Variants in IGSF11 observed in about 807,000 individuals in gnomAD.
The protein encoded by IGSF11 is CXADR like 1.
Under a neutral mutation model 41.0 loss-of-function variants are expected in IGSF11, and 22 were observed. That is an observed-to-expected ratio of 0.54 (90% CI 0.38 to 0.77). IGSF11 has a LOEUF of 0.77. IGSF11 is among the 30% of genes least tolerant of loss of function. The pLI, the probability that IGSF11 is intolerant of heterozygous loss-of-function variation, is 0.00. For missense variants in IGSF11, 444 were observed against 530.8 expected, an observed-to-expected ratio of 0.84 and a Z score of 1.61; for synonymous variants, 219 against 201.3, an observed-to-expected ratio of 1.09 and a Z score of -0.74.
At chr3:119,035,520 C>T (rs565445648), upstream of IGSF11, among the ~76,000 whole-genome samples, 1 of 152,288 alleles carries the variant, frequency 6.6e-6, no homozygotes, top group South Asian at 2.1e-4. Context: ...TTAAGTTTTC[C>T]AGCTTAAACG....
intron 1 of IGSF11, among the ~76,000 whole-genome samples, chr3:119,096,922 T>G (rs1028853404): frequency 2.6e-5 from 4 of 152,224 alleles, no homozygotes; most frequent in African/African-American, 9.6e-5. Context: ...GAAGTTCCCA[T>G]GTTTGTAAGA....
Position 118,902,682 on chromosome 3 carries a change from T to A in IGSF11, c.1134A>T (p.Arg378Ser). ...QHKTLVVTAN[R>S]GSSPQVMSRS... ...TGGACATCACCTGTGGTGATGACCC[T>A]CTGTTGGCTGTCACTACCAGAGTCT... is the stretch of plus-strand genomic sequence containing the variant. The change falls in exon 7 of 7, where the codon AGA becomes AGT. Residue 378 changes from arginine (R) to serine (S), a missense_variant. Coordinates refer to ENST00000393775, the MANE Select transcript of IGSF11 (RefSeq NM_001015887.3). 1.9e-6 allele frequency: 3 copies of A among 1,614,136 alleles called. No individual in the cohort carries two copies. Among genetic ancestry groups the A allele is most frequent in the Non-Finnish European group, 2.5e-6 (3 of 1,180,010 alleles).
At chr3:119,060,176 C>T (rs761277376) in intron 1 of IGSF11, among the ~76,000 whole-genome samples, 14 of 152,152 alleles carry the variant, frequency 9.2e-5, no homozygotes, top group Non-Finnish European at 1.8e-4. Context: ...GAACCATCAT[C>T]AGTTTCTGTT....
At chr3:118,912,916 T>A (rs1030973923) in intron 4 of IGSF11, among the ~76,000 whole-genome samples, 4 of 151,986 alleles carry the variant, frequency 2.6e-5, no homozygotes, top group African/African-American at 9.7e-5. Context: ...GGAGGATTGC[T>A]TAAGGGCCAG....
chr3:118,961,165 T>C (rs1945308937), intron 1 of IGSF11, among the ~76,000 whole-genome samples: 1 of 152,226 alleles, frequency 6.6e-6, no homozygotes, highest in Non-Finnish European at 1.5e-5. Flanking sequence ...TAGGCATCAT[T>C]GCTGTTGTCA....
At chr3:119,081,659 G>T (rs969835442) in intron 1 of IGSF11, among the ~76,000 whole-genome samples, 1 of 152,158 alleles carries the variant, frequency 6.6e-6, no homozygotes, top group African/African-American at 2.4e-5. Flanking sequence ...ACCACAGGGA[G>T]CCTCAATTTC....
intron 1 of IGSF11, among the ~76,000 whole-genome samples, chr3:119,058,323 A>G (rs988444796): frequency 2.0e-5 from 3 of 152,378 alleles, no homozygotes; most frequent in South Asian, 2.1e-4. Flanking sequence ...GGATATGAAC[A>G]GACACTTCCC....
At chr3:118,905,510 A>C in intron 5 of IGSF11, 86 bp downstream of exon 5, 1 of 1,405,876 alleles carries the variant, frequency 7.1e-7, no homozygotes, top group Non-Finnish European at 9.9e-7. Context: ...CCTTAAGACA[A>C]TTCAGCAGAA....
chr3:119,117,591 A>T (rs1237338653), intron 1 of IGSF11, among the ~76,000 whole-genome samples: 1 of 152,198 alleles, frequency 6.6e-6, no homozygotes, highest in South Asian at 2.1e-4. Flanking sequence ...CAGCCAAACC[A>T]TATAATTGTG....
chr3:119,139,066 C>T (rs1242956238), intron 1 of IGSF11, among the ~76,000 whole-genome samples: 2 of 152,036 alleles, frequency 1.3e-5, no homozygotes, highest in Non-Finnish European at 2.9e-5. Flanking sequence ...GTGACAGATA[C>T]CCCATTTACC....
intron 1 of IGSF11, among the ~76,000 whole-genome samples, chr3:118,979,883 T>G (rs530310322): frequency 6.6e-6 from 1 of 152,206 alleles, no homozygotes; most frequent in African/African-American, 2.4e-5. Context: ...AAAGACGACA[T>G]ACAAATGGCC....
intron 1 of IGSF11, among the ~76,000 whole-genome samples, chr3:119,120,106 CT>C (rs1289528786): frequency 1.3e-5 from 2 of 152,202 alleles, no homozygotes; most frequent in Non-Finnish European, 2.9e-5. Context: ...ATAAAGCAGT[CT>C]TAAAGTGCCT....
chr3:119,139,714 G>C (rs1056338350), intron 1 of IGSF11, among the ~76,000 whole-genome samples: 2 of 151,996 alleles, frequency 1.3e-5, no homozygotes, highest in Non-Finnish European at 2.9e-5. Flanking sequence ...GACTAATATA[G>C]TATTATAAAA....
chr3:118,939,059 G>C lies in IGSF11; in HGVS notation c.53-8784C>G, dbSNP rs528716036. Among the ~76,000 whole-genome samples, 23 of 152,176 alleles carry C rather than the reference G, an allele frequency of 1.5e-4. No individual in the cohort carries two copies. In the South Asian group the frequency reaches 4.6e-3, roughly 30 times the overall value. ...AAAACAGTAAAAACACAGAAGACCT[G>C]AACAATGAACTTAACATAAATGAAA... On this transcript the variant is annotated intron_variant, in intron 1 of 6. Coordinates refer to ENST00000393775, the MANE Select transcript of IGSF11 (RefSeq NM_001015887.3).
chr3:118,927,208 T>C (rs1942405273), intron 3 of IGSF11, among the ~76,000 whole-genome samples: 3 of 152,206 alleles, frequency 2.0e-5, no homozygotes. Context: ...GCCTTTGTCA[T>C]TGCCACTGTG....
chr3:119,118,381 G>C (rs1055479381), intron 1 of IGSF11, among the ~76,000 whole-genome samples: 4 of 152,330 alleles, frequency 2.6e-5, no homozygotes, highest in South Asian at 2.1e-4. Flanking sequence ...GCCAAGGCTT[G>C]AGGCTAGCAT....
intron 1 of IGSF11, among the ~76,000 whole-genome samples, chr3:119,044,239 A>G (rs973103833): frequency 9.9e-5 from 15 of 152,202 alleles, no homozygotes; most frequent in Non-Finnish European, 1.8e-4. Context: ...TGAAAATGAA[A>G]GACATACTTA....
intron 1 of IGSF11, among the ~76,000 whole-genome samples, chr3:119,144,064 T>G (rs924422236): frequency 4.6e-5 from 7 of 151,338 alleles, no homozygotes; most frequent in Admixed American, 4.6e-4. Flanking sequence ...CCCACTTTTT[T>G]TGTGTGAAAT....
At chr3:118,998,019 A>T (rs141987700) in intron 1 of IGSF11, among the ~76,000 whole-genome samples, 317 of 152,298 alleles carry the variant, frequency 2.1e-3, no homozygotes, top group African/African-American at 7.4e-3. Context: ...ACTACTGTAT[A>T]CAAACACTTC....
Sources: gnomAD v4.1 joint callset for allele counts (sites outside exome capture counted in the v4.1 genomes callset) on GRCh38, gnomAD v4.1.1 for gene constraint, MANE v1.5 for transcripts, NCBI Gene and HGNC (gene_info 2026-07-23, HGNC 2026-07-21) for gene names.